Variants in IMMP2L observed in about 807,000 individuals in gnomAD.
IMMP2L encodes mitochondrial inner membrane protease subunit 2.
IMMP2L carries 18 observed loss-of-function variants against 19.3 expected under a neutral mutation model. The observed-to-expected ratio is 0.93, with a 90% CI of 0.64 to 1.38. The LOEUF is 1.38. Ranked by LOEUF, IMMP2L falls within the 40% of genes most tolerant of loss-of-function variation. The pLI is 0.00. For synonymous variants in IMMP2L, 76 were observed against 73.0 expected (o/e 1.04, Z -0.21); for missense variants, 233 against 218.2 (o/e 1.07, Z -0.43).
At chr7:110,892,404 CT>C (rs1810894880) in intron 4 of IMMP2L, among the ~76,000 whole-genome samples, 1 of 152,126 alleles carries the variant, frequency 6.6e-6, no homozygotes, top group Non-Finnish European at 1.5e-5. Context: ...CCCCATCTCC[CT>C]TCCCCCTAAA....
At chr7:111,331,136 T>C (rs554984299) in intron 3 of IMMP2L, among the ~76,000 whole-genome samples, 6 of 152,060 alleles carry the variant, frequency 3.9e-5, no homozygotes, top group South Asian at 2.1e-4. Context: ...TCCATGTTTA[T>C]TGCAGCACTA....
intron 5 of IMMP2L, among the ~76,000 whole-genome samples, chr7:110,841,493 C>A (rs942347485): frequency 6.6e-6 from 1 of 151,974 alleles, no homozygotes; most frequent in Non-Finnish European, 1.5e-5. Flanking sequence ...ACTAATAAGG[C>A]TAATCTAGAA....
chr7:111,168,321 A>G (rs1216574337), intron 3 of IMMP2L, among the ~76,000 whole-genome samples: 1 of 150,992 alleles, frequency 6.6e-6, no homozygotes, highest in African/African-American at 2.4e-5. Context: ...CTTTTATTTG[A>G]GCATTCTAAA....
chr7:111,103,490 A>G (rs2129580691), intron 3 of IMMP2L, among the ~76,000 whole-genome samples: 1 of 151,832 alleles, frequency 6.6e-6, no homozygotes, highest in Admixed American at 6.6e-5. Context: ...CATTTTTAGA[A>G]TTATTTTCAC....
In IMMP2L at chr7:110,861,407, C is replaced by T. The variant is rs145671317; in HGVS notation, c.408+25186G>A. Among the ~76,000 whole-genome samples the T allele has an allele frequency of 4.9e-3, 734 of 151,072 alleles. 8 individuals carry two copies. Among genetic ancestry groups the T allele is most frequent in the African/African-American group, 0.017 (698 of 41,384 alleles). The stretch of plus-strand genomic sequence containing the variant: ...TAATCCTCCCGAGTAGGAGGGACTA[C>T]AGGCATGCACAACCATGCCCAGCTA... On this transcript the variant is annotated intron_variant, in intron 5 of 5. Transcript: ENST00000405709.
At chr7:111,074,305 G>C (rs898848947) in intron 3 of IMMP2L, among the ~76,000 whole-genome samples, 1 of 152,208 alleles carries the variant, frequency 6.6e-6, no homozygotes, top group Non-Finnish European at 1.5e-5. Flanking sequence ...CTGTCATTTA[G>C]CTGATTATCA....
intron 1 of IMMP2L, among the ~76,000 whole-genome samples, chr7:111,553,455 G>C (rs1297947863): frequency 1.3e-5 from 2 of 152,092 alleles, no homozygotes; most frequent in African/African-American, 4.8e-5. Flanking sequence ...GTCCATTTGT[G>C]GTGCTCCATT....
chr7:111,368,837 C>A (rs1005737302), intron 3 of IMMP2L, among the ~76,000 whole-genome samples: 2 of 151,888 alleles, frequency 1.3e-5, no homozygotes, highest in African/African-American at 4.8e-5. Context: ...AAAGTACTGG[C>A]CAAAGTATTT....
chr7:110,860,025 CAT>C (rs1294129074), intron 5 of IMMP2L, among the ~76,000 whole-genome samples: 1 of 152,042 alleles, frequency 6.6e-6, no homozygotes, highest in Admixed American at 6.6e-5. Flanking sequence ...CAACCTGTCA[CAT>C]GTGTCATTGT....
intron 3 of IMMP2L, among the ~76,000 whole-genome samples, chr7:111,172,454 G>A (rs1166035283): frequency 6.6e-6 from 1 of 151,480 alleles, no homozygotes; most frequent in Admixed American, 6.6e-5. Context: ...AGGGTATTCA[G>A]CTATCTATCA....
intron 5 of IMMP2L, among the ~76,000 whole-genome samples, chr7:110,738,427 C>G (rs893465887): frequency 6.6e-6 from 1 of 152,100 alleles, no homozygotes; most frequent in Admixed American, 6.5e-5. Context: ...ACTGGAAAGT[C>G]TCAGCAATAG....
At chr7:110,982,018 A>G (rs1363229707) in intron 3 of IMMP2L, among the ~76,000 whole-genome samples, 2 of 152,190 alleles carry the variant, frequency 1.3e-5, no homozygotes, top group African/African-American at 4.8e-5. Context: ...GCATTTTATT[A>G]GGACATTTAA....
chr7:111,324,832 C>T (rs1196090506), intron 3 of IMMP2L, among the ~76,000 whole-genome samples: 2 of 151,726 alleles, frequency 1.3e-5, no homozygotes, highest in African/African-American at 4.8e-5. Context: ...AACAATAACA[C>T]ACCAAAGATT....
At chr7:111,535,559 A>G (rs1402496124) in intron 1 of IMMP2L, among the ~76,000 whole-genome samples, 1 of 152,156 alleles carries the variant, frequency 6.6e-6, no homozygotes, top group Non-Finnish European at 1.5e-5. Context: ...ACAGTCATCA[A>G]CTATGGTGGG....
At chr7:110,689,983 C>T (rs1793380908) in intron 5 of IMMP2L, among the ~76,000 whole-genome samples, 1 of 152,160 alleles carries the variant, frequency 6.6e-6, no homozygotes, top group Admixed American at 6.6e-5. Context: ...TATTGTCATT[C>T]AAAGTCCTGA....
At chr7:111,155,637 C>T (rs928127924) in intron 3 of IMMP2L, among the ~76,000 whole-genome samples, 1 of 147,110 alleles carries the variant, frequency 6.8e-6, no homozygotes, top group African/African-American at 2.5e-5. Context: ...AAAATGGAAA[C>T]TTGTGTGCAT....
chr7:111,493,704 C>CAAAA (rs1012944484), intron 2 of IMMP2L, among the ~76,000 whole-genome samples: 1 of 132,742 alleles, frequency 7.5e-6, no homozygotes, highest in Admixed American at 8.0e-5. Flanking sequence ...GACTCCGTCT[C>CAAAA]AAAAAAAAAG....
At chr7:110,793,002 C>T (rs1005361431) in intron 5 of IMMP2L, among the ~76,000 whole-genome samples, 2 of 152,066 alleles carry the variant, frequency 1.3e-5, no homozygotes, top group Admixed American at 6.6e-5. Context: ...TGCATGATCT[C>T]ACTTACACAT....
intron 3 of IMMP2L, among the ~76,000 whole-genome samples, chr7:111,311,307 A>C (rs6972780): frequency 0.023 from 3,481 of 152,022 alleles, 138 homozygotes; most frequent in African/African-American, 0.08. Flanking sequence ...AGGGAAAGAA[A>C]GAAGGAAGGA....
Sources: gnomAD v4.1 joint callset for allele counts (sites outside exome capture counted in the v4.1 genomes callset) on GRCh38, gnomAD v4.1.1 for gene constraint, MANE v1.5 for transcripts, NCBI Gene and HGNC (gene_info 2026-07-23, HGNC 2026-07-21) for gene names.